MMP2: variants seen among roughly 807,000 people sequenced by gnomAD.
MMP2 encodes the protein matrix metallopeptidase 2.
Under a neutral mutation model 74.8 loss-of-function variants are expected in MMP2, and 39 were observed. The observed-to-expected ratio is 0.52, with a 90% CI of 0.40 to 0.68. The LOEUF is 0.68. Among genes scored for constraint, MMP2 ranks in the 30% least tolerant of loss-of-function variants. The pLI is 0.00. For missense variants in MMP2, 803 were observed against 878.3 expected, an observed-to-expected ratio of 0.91 and a Z score of 1.08; for synonymous variants, 367 against 339.8, an observed-to-expected ratio of 1.08 and a Z score of -0.88.
chr16:55,495,053 C>G (rs140950463), intron 9 of MMP2, among the ~76,000 whole-genome samples: 2 of 152,284 alleles, frequency 1.3e-5, no homozygotes, highest in African/African-American at 4.8e-5. Context: ...TTCTGGGGTG[C>G]AGATGCCTTG....
intron 5 of MMP2, chr16:55,487,431 A>G (rs1455379507): frequency 6.6e-6 from 1 of 152,324 alleles, no homozygotes; most frequent in Non-Finnish European, 1.5e-5. Flanking sequence ...CTCTGAGGCC[A>G]CTAAGGTATC....
rs111453230 is a variant in MMP2 at position 55,504,601 on chromosome 16, G to T, written c.1880-738G>T. Among the ~76,000 whole-genome samples the T allele has an allele frequency of 3.9e-3, 584 of 151,422 alleles. 3 individuals carry two copies. Among genetic ancestry groups the T allele is most frequent in the African/African-American group, 0.014 (565 of 41,238 alleles). ...TCTTCTGGGCTTTTGTTGTGTTTTGGTTTTGTTTTTGTTTTCTTTTCTTCA... is the reference window on the plus strand; with the variant it reads ...TCTTCTGGGCTTTTGTTGTGTTTTGTTTTTGTTTTTGTTTTCTTTTCTTCA... On this transcript the variant is annotated intron_variant, in intron 12 of 12. Transcript: ENST00000219070.
At chr16:55,493,958 T>C (rs1275192321) in intron 9 of MMP2, among the ~76,000 whole-genome samples, 4 of 152,176 alleles carry the variant, frequency 2.6e-5, no homozygotes, top group Non-Finnish European at 5.9e-5. Context: ...TTTACCCTAA[T>C]GCCCTAGTTC....
intron 7 of MMP2, among the ~76,000 whole-genome samples, chr16:55,491,586 G>A (rs1029820421): frequency 1.3e-5 from 2 of 152,030 alleles, no homozygotes; most frequent in African/African-American, 4.8e-5. Context: ...GACTTTGGCT[G>A]ACCCCACTTG....
rs746291867 is a variant in MMP2, at chr16:55,505,489, C to T, written c.*47C>T. ...CCCTTCCTCTCCACTGCCTTCGATA[C>T]ACCGGGCCTGGAGAACTAGAGAAGG... On this transcript the variant is annotated 3_prime_UTR_variant, in exon 13 of 13. Coordinates refer to ENST00000219070, the MANE Select transcript of MMP2 (RefSeq NM_004530.6). The T allele has an allele frequency of 1.9e-6, 3 of 1,538,840 alleles. No homozygotes were observed. Among genetic ancestry groups the T allele is most frequent in the South Asian group, 1.1e-5 (1 of 89,508 alleles).
At position 55,489,711 on chromosome 16, in the gene MMP2, T is replaced by C; in HGVS notation, c.1067T>C (p.Leu356Pro). Residue 356 changes from leucine to proline, a missense_variant, in exon 7 of 13, where the codon CTG (leucine) becomes CCG (proline). Leu to Pro is a moderately conservative substitution (Grantham distance 98). This residue lies in a region of MMP2 where 555 missense variants were observed against 592.0 expected (regional missense o/e 0.94). Transcript: ENST00000219070. ...GAPCVFPFTF[L>P]GNKYESCTSA... Reference sequence around the variant, plus strand: ...CCCTGTGTCTTCCCCTTCACTTTCCTGGGCAACAAATATGAGAGCTGCACC... The same window carrying C: ...CCCTGTGTCTTCCCCTTCACTTTCCCGGGCAACAAATATGAGAGCTGCACC... 1 of 1,614,100 alleles carries C rather than the reference T, an allele frequency of 6.2e-7. No individual in the cohort carries two copies. The highest frequency in any genetic ancestry group is 8.5e-7 in the Non-Finnish European group (1 of 1,180,016).
rs1391134975 is a variant in MMP2, at chr16:55,479,470, G to A, written c.-10G>A. On this transcript the variant is annotated 5_prime_UTR_variant, in exon 1 of 13. Transcript: ENST00000219070. The stretch of plus-strand genomic sequence containing the variant: ...CCCCCGGGCGACGCGCGGGGCCAGG[G>A]AGCGCTACGATGGAGGCGCTAATGG... 2 of 1,543,832 alleles carry A rather than the reference G, an allele frequency of 1.3e-6. No homozygotes were observed. The highest frequency in any genetic ancestry group is 1.4e-5 in the African/African-American group (1 of 72,006).
chr16:55,494,237 T>C (rs984449019), intron 9 of MMP2, among the ~76,000 whole-genome samples: 2 of 152,244 alleles, frequency 1.3e-5, no homozygotes, highest in Admixed American at 6.5e-5. Flanking sequence ...AACTGCTACT[T>C]ACTGGTTATG....
chr16:55,496,162 C>T (rs1055722022), intron 9 of MMP2, among the ~76,000 whole-genome samples: 1 of 152,200 alleles, frequency 6.6e-6, no homozygotes, highest in African/African-American at 2.4e-5. Context: ...ATCTGTAGAT[C>T]TCTGTAAGGA....
chr16:55,486,906 TGAAA>T (rs1385373108), intron 5 of MMP2: 1 of 152,218 alleles, frequency 6.6e-6, no homozygotes, highest in Non-Finnish European at 1.5e-5. Context: ...CTTGACAGAA[TGAAA>T]GAAACAAAGA....
chr16:55,492,807 C>T (rs1962443439), intron 8 of MMP2, among the ~76,000 whole-genome samples: 1 of 152,158 alleles, frequency 6.6e-6, no homozygotes, highest in Admixed American at 6.5e-5. Context: ...ACCGCCCTGA[C>T]TCTTGTGGGC....
intron 9 of MMP2, among the ~76,000 whole-genome samples, chr16:55,496,561 C>T (rs1962532624): frequency 2.0e-5 from 3 of 152,134 alleles, no homozygotes; most frequent in Admixed American, 2.0e-4. Context: ...GCTCCTGCCC[C>T]AATTGGCCTC....
At chr16:55,503,101 A>T (rs1425614045) in intron 12 of MMP2, among the ~76,000 whole-genome samples, 1 of 152,126 alleles carries the variant, frequency 6.6e-6, no homozygotes, top group East Asian at 1.9e-4. Context: ...ACCCAGAAAG[A>T]CTTCTCACAG....
In MMP2 at chr16:55,485,258, A is replaced by G. The variant is rs1322545369; in HGVS notation, c.530-41A>G. The G allele has an allele frequency of 2.5e-6, 4 of 1,613,808 alleles. No homozygotes were observed. In the Admixed American group the frequency reaches 5.0e-5, roughly 20 times the overall value. On this transcript the variant is annotated intron_variant, in intron 3 of 12. Coordinates refer to ENST00000219070, the MANE Select transcript of MMP2 (RefSeq NM_004530.6). ...GGGGTGTGGAGGGGTTTCAGGGTCT[A>G]GGTGGCACAGCTAGACGCTAAGACC...
Position 55,483,066 on chromosome 16 carries a change from A to G in MMP2, c.311A>G (p.Asn104Ser). 1.9e-6 allele frequency: 3 copies of G among 1,614,144 alleles called. No homozygotes were observed. In the South Asian group the frequency reaches 3.3e-5, roughly 18 times the overall value. Reference sequence around the variant, plus strand: ...ACCATGCGGAAGCCACGCTGCGGCAACCCAGATGTGGCCAACTACAACTTC... The same window carrying G: ...ACCATGCGGAAGCCACGCTGCGGCAGCCCAGATGTGGCCAACTACAACTTC... ...IETMRKPRCG[N>S]PDVANYNFFP... is the part of the protein sequence containing the mutation. The change falls in exon 2 of 13, where the codon AAC becomes AGC. Residue 104 changes from asparagine (N) to serine (S), a missense_variant. By Grantham distance (46) the Asn-to-Ser change is conservative (BLOSUM62 1). Coordinates refer to ENST00000219070, the MANE Select transcript of MMP2 (RefSeq NM_004530.6).
intron 5 of MMP2, among the ~76,000 whole-genome samples, chr16:55,486,110 G>T (rs1452914994): frequency 6.6e-6 from 1 of 152,040 alleles, no homozygotes; most frequent in Non-Finnish European, 1.5e-5. Context: ...CTATTACAAT[G>T]CCCAGTGGTT....
At position 55,502,729 on chromosome 16, in the gene MMP2, A is replaced by T. The variant is rs746862303; in HGVS notation, c.1770-50A>T. The T allele has an allele frequency of 2.9e-5, 44 of 1,519,722 alleles. 1 individual carries two copies. The Admixed American group carries it at 6.5e-4, about 23-fold the overall frequency. 94.1% of individuals were successfully genotyped at this position (1,519,722 alleles called of 1,614,324 possible). ...GTGCTCCCATCCAGGCCAGGGGGGA[A>T]GTGTCCTTTAGAGAGGCCCTGCTGG... is the stretch of plus-strand genomic sequence containing the variant. On this transcript the variant is annotated intron_variant, in intron 11 of 12. Transcript: ENST00000219070.
In MMP2 at chr16:55,498,498, A is replaced by G. The variant is rs183907437; in HGVS notation, c.1769+50A>G. ...AGCAGCACAGTTGGCTGCGAGAGAC[A>G]GAGAAGCCGCCCTGAGGCTTCAAGC... On this transcript the variant is annotated intron_variant, in intron 11 of 12. Transcript: ENST00000219070. 6.2e-6 allele frequency: 10 copies of G among 1,613,178 alleles called. No individual in the cohort carries two copies. The African/African-American group carries it at 1.2e-4, about 19-fold the overall frequency.
intron 5 of MMP2, 170 bp from the exon 6 acceptor site, chr16:55,488,372 CT>C (rs1962309921): frequency 7.4e-6 from 5 of 679,592 alleles, no homozygotes; most frequent in Non-Finnish European, 1.3e-5. Flanking sequence ...AGCAGGGGTT[CT>C]CTCTGGGAGC....
Sources: allele counts gnomAD v4.1 joint callset (sites outside exome capture counted in the v4.1 genomes callset), GRCh38; gene constraint gnomAD v4.1.1; regional missense constraint gnomAD v4.1.1; transcripts MANE v1.5; gene names NCBI Gene and HGNC (gene_info 2026-07-23, HGNC 2026-07-21).